The following TBCK variants were observed in gnomAD, a reference collection of about 807,000 sequenced individuals.
TBCK encodes the protein TBC1 domain containing kinase.
In TBCK, 99 loss-of-function variants were observed where a neutral mutation model predicts 113.4. That is an observed-to-expected ratio of 0.87 (90% confidence interval 0.74 to 1.03). The LOEUF is 1.03. Among genes scored for constraint, TBCK ranks in the 50% least tolerant of loss-of-function variants. The probability of loss-of-function intolerance (pLI) is 0.00; values close to 1 mark genes in which losing one functional copy is unlikely to be tolerated. For synonymous variants in TBCK, 369 were observed against 370.8 expected (o/e 1.00, Z 0.05); for missense variants, 1,045 against 1,061.3 (o/e 0.98, Z 0.21).
rs778075009 is a variant in TBCK, at chr4:106,041,879, G to T, written c.*4691C>A. On this transcript the variant is annotated 3_prime_UTR_variant, in exon 26 of 26. Transcript: ENST00000394708. ...ATTAACAGGAAAATTACTCAGAAAA[G>T]ATATAAATACATGTGACTTTATAAA... is the stretch of plus-strand genomic sequence containing the variant. 1 of 152,072 alleles carries T rather than the reference G, an allele frequency of 6.6e-6. No individual in the cohort carries two copies. The highest frequency in any genetic ancestry group is 2.1e-4 in the South Asian group (1 of 4,824). The allele number at this position is 152,072 out of a possible 1,614,324, so 9.4% of individuals were successfully genotyped here.
At chr4:106,108,121 A>T (rs942231358) in intron 24 of TBCK, among the ~76,000 whole-genome samples, 2 of 152,170 alleles carry the variant, frequency 1.3e-5, no homozygotes, top group African/African-American at 4.8e-5. Flanking sequence ...TAAATAGCCT[A>T]CCAACCAAAA....
intron 23 of TBCK, among the ~76,000 whole-genome samples, chr4:106,155,726 GTTTCTC>G (rs1364748166): frequency 5.9e-5 from 9 of 151,832 alleles, no homozygotes; most frequent in African/African-American, 1.9e-4. Context: ...ATTCCTGCTT[GTTTCTC>G]TTTAATTATT....
intron 2 of TBCK, among the ~76,000 whole-genome samples, chr4:106,301,752 C>T (rs1766969929): frequency 6.6e-6 from 1 of 152,068 alleles, no homozygotes; most frequent in African/African-American, 2.4e-5. Flanking sequence ...ACTGACTTAA[C>T]AATAACATGC....
intron 4 of TBCK, 59 bp downstream of exon 4, chr4:106,262,039 C>T (rs923560825): frequency 1.3e-5 from 12 of 928,290 alleles, no homozygotes; most frequent in Non-Finnish European, 1.3e-5. Context: ...TAGCCCTGAT[C>T]CCAGTTGCTT....
At chr4:106,184,082 A>G (rs1196309848) in intron 22 of TBCK, among the ~76,000 whole-genome samples, 1 of 152,046 alleles carries the variant, frequency 6.6e-6, no homozygotes, top group Non-Finnish European at 1.5e-5. Flanking sequence ...CTAACTGACT[A>G]CAGGAAACTT....
intron 19 of TBCK, among the ~76,000 whole-genome samples, chr4:106,214,623 A>G (rs1756629439): frequency 6.6e-6 from 1 of 152,218 alleles, no homozygotes; most frequent in African/African-American, 2.4e-5. Flanking sequence ...CAGCAATGGA[A>G]GATGAAATGA....
chr4:106,154,558 T>A (rs1748901823), intron 23 of TBCK, among the ~76,000 whole-genome samples: 1 of 152,158 alleles, frequency 6.6e-6, no homozygotes, highest in South Asian at 2.1e-4. Context: ...TCTCATGGCT[T>A]AACACCACCG....
At chr4:106,285,457 C>G (rs1765020622) in intron 3 of TBCK, among the ~76,000 whole-genome samples, 1 of 151,920 alleles carries the variant, frequency 6.6e-6, no homozygotes, top group African/African-American at 2.4e-5. Context: ...TTGTTTCATT[C>G]AATATTAAAT....
intron 25 of TBCK, among the ~76,000 whole-genome samples, chr4:106,049,460 T>C (rs1002852405): frequency 6.6e-6 from 1 of 152,084 alleles, no homozygotes; most frequent in Non-Finnish European, 1.5e-5. Flanking sequence ...CCACAGTTGC[T>C]ATACTTATCA....
In TBCK at chr4:106,095,667, A is replaced by G. The variant is rs774242067; in HGVS notation, c.2412-26T>C. The G allele has an allele frequency of 1.7e-5, 27 of 1,607,246 alleles. 1 individual carries two copies. Among genetic ancestry groups the G allele is most frequent in the Non-Finnish European group, 2.0e-5 (24 of 1,175,828 alleles). ...CTGAGAAGGAAAGTTTAAGGAAAACATTTATTTGTGTGCAATCCTGAGTGT... is the reference window on the plus strand; with the variant it reads ...CTGAGAAGGAAAGTTTAAGGAAAACGTTTATTTGTGTGCAATCCTGAGTGT... On this transcript the variant is annotated intron_variant, in intron 24 of 25. Transcript: ENST00000394708.
At chr4:106,046,712 G>A (rs1210621914) in intron 25 of TBCK, 32 bp from the exon 26 acceptor site, 1 of 1,206,352 alleles carries the variant, frequency 8.3e-7, no homozygotes, top group Admixed American at 1.8e-5. Context: ...ATTTTTAGAG[G>A]ATATACAGAA....
intron 19 of TBCK, among the ~76,000 whole-genome samples, chr4:106,216,824 T>G (rs1180935823): frequency 2.0e-5 from 3 of 150,592 alleles, no homozygotes; most frequent in Non-Finnish European, 4.5e-5. Context: ...CTGAAACTAT[T>G]CCAATCAATA....
intron 12 of TBCK, among the ~76,000 whole-genome samples, chr4:106,241,556 A>G (rs1056191010): frequency 2.6e-5 from 4 of 151,994 alleles, no homozygotes; most frequent in African/African-American, 9.7e-5. Context: ...CAGGCCAACA[A>G]ATCAGAATAT....
intron 25 of TBCK, among the ~76,000 whole-genome samples, chr4:106,049,531 T>C (rs1276900266): frequency 6.6e-6 from 1 of 152,074 alleles, no homozygotes; most frequent in Non-Finnish European, 1.5e-5. Flanking sequence ...GCTGTGAATG[T>C]GCTGGGGTAG....
At chr4:106,073,351 T>G (rs1340693497) in intron 25 of TBCK, among the ~76,000 whole-genome samples, 1 of 152,152 alleles carries the variant, frequency 6.6e-6, no homozygotes, top group Non-Finnish European at 1.5e-5. Flanking sequence ...TTCTAACAGG[T>G]CCCTCAGCTG....
intron 6 of TBCK, 147 bp downstream of exon 6, chr4:106,251,719 A>G: frequency 1.5e-6 from 1 of 688,536 alleles, no homozygotes; most frequent in Non-Finnish European, 2.1e-6. Context: ...AAATTATCAA[A>G]CATGATTAAG....
At chr4:106,146,188 T>TATACATATACATGTA (rs1308765408) in intron 23 of TBCK, among the ~76,000 whole-genome samples, 1 of 152,032 alleles carries the variant, frequency 6.6e-6, no homozygotes, top group Non-Finnish European at 1.5e-5. Context: ...ATGTGGTACA[T>TATACATATACATGTA]ATACATATAC....
chr4:106,150,361 T>C (rs1215092206), intron 23 of TBCK, among the ~76,000 whole-genome samples: 3 of 152,152 alleles, frequency 2.0e-5, no homozygotes, highest in African/African-American at 7.2e-5. Context: ...GTTACAAAGA[T>C]ATGAGTTGTG....
chr4:106,298,035 A>G (rs1277203424), intron 2 of TBCK, among the ~76,000 whole-genome samples: 2 of 152,170 alleles, frequency 1.3e-5, no homozygotes, highest in Non-Finnish European at 2.9e-5. Context: ...TCCTCAAGGG[A>G]CACTTCTCTC....
Sources: allele counts gnomAD v4.1 joint callset (sites outside exome capture counted in the v4.1 genomes callset), GRCh38; gene constraint gnomAD v4.1.1; transcripts MANE v1.5; gene names NCBI Gene and HGNC (gene_info 2026-07-23, HGNC 2026-07-21).